TFB1M: variants seen among roughly 807,000 people sequenced by gnomAD.
The protein encoded by TFB1M is transcription factor B1, mitochondrial.
Under a neutral mutation model 31.1 loss-of-function variants are expected in TFB1M, and 27 were observed. That is an observed-to-expected ratio of 0.87 (90% CI 0.64 to 1.20). The LOEUF (loss-of-function observed/expected upper bound fraction) is 1.20, where lower values mean the gene tolerates loss of function less well. TFB1M is among the 50% of genes most tolerant of loss of function. The probability of loss-of-function intolerance (pLI) is 0.00; values close to 1 mark genes in which losing one functional copy is unlikely to be tolerated. For synonymous variants in TFB1M, 166 were observed against 151.8 expected (o/e 1.09, Z -0.69); for missense variants, 394 against 418.7 (o/e 0.94, Z 0.51).
intron 5 of TFB1M, among the ~76,000 whole-genome samples, chr6:155,280,398 C>T (rs1373723051): frequency 6.6e-6 from 1 of 152,202 alleles, no homozygotes; most frequent in Non-Finnish European, 1.5e-5. Flanking sequence ...AAGCTGGTCC[C>T]TTGCCTCAAG....
intron 2 of TFB1M, among the ~76,000 whole-genome samples, chr6:155,299,126 C>T (rs1777315967): frequency 6.6e-6 from 1 of 152,138 alleles, no homozygotes. Context: ...CGAGATACTC[C>T]TCTGACCAGA....
At position 155,257,132 on chromosome 6, in the gene TFB1M, T is replaced by C. The variant is rs371618639; in HGVS notation, c.*704A>G. ...CACGGAAAATCATAGTATGATTCAATCCAGATATGGGTTAAATTCCTCATT... is the reference window on the plus strand; with the variant it reads ...CACGGAAAATCATAGTATGATTCAACCCAGATATGGGTTAAATTCCTCATT... On this transcript the variant is annotated 3_prime_UTR_variant, in exon 7 of 7. Transcript: ENST00000367166. 1.0e-4 allele frequency: 163 copies of C among 1,582,972 alleles called. No homozygotes were observed. The highest frequency in any genetic ancestry group is 1.4e-4 in the Non-Finnish European group (160 of 1,165,096).
the TFB1M span, chr6:155,240,526 TCA>T: frequency 1.7e-5 from 28 of 1,601,962 alleles, no homozygotes; most frequent in Non-Finnish European, 2.1e-5. Context: ...TTGTCCTCTC[TCA>T]GAGTGCTGAG....
Position 155,275,083 on chromosome 6 carries a change from G to A in TFB1M, c.666+10075C>T, listed in dbSNP as rs375354976. ...AATACAAAAAAAAAAAAAATTAGCC[G>A]GGCATGGTGGCGGGCGCCTGTAGTC... is the stretch of plus-strand genomic sequence containing the variant. On this transcript the variant is annotated intron_variant, in intron 5 of 6. Transcript: ENST00000367166. Among the ~76,000 whole-genome samples the A allele has an allele frequency of 2.6e-3, 400 of 151,848 alleles. 3 individuals carry two copies. The highest frequency in any genetic ancestry group is 8.8e-3 in the African/African-American group (366 of 41,426).
downstream of TFB1M, chr6:155,255,635 C>CACAT (rs1554248817): frequency 6.6e-6 from 1 of 151,842 alleles, no homozygotes; most frequent in Non-Finnish European, 1.5e-5. Flanking sequence ...CACACACACA[C>CACAT]ACCTATAACA....
chr6:155,306,193 A>G (rs1777753856), intron 2 of TFB1M, among the ~76,000 whole-genome samples: 1 of 152,188 alleles, frequency 6.6e-6, no homozygotes, highest in Admixed American at 6.5e-5. Flanking sequence ...AAAAAGACTG[A>G]CCATACCAAG....
intron 2 of TFB1M, among the ~76,000 whole-genome samples, chr6:155,302,582 G>A (rs899919451): frequency 1.3e-5 from 2 of 151,824 alleles, no homozygotes; most frequent in African/African-American, 4.8e-5. Flanking sequence ...TACGTTTTCA[G>A]ACTTTCTCAG....
the TFB1M span, chr6:155,243,975 A>G: frequency 5.6e-6 from 9 of 1,599,574 alleles, no homozygotes; most frequent in Non-Finnish European, 7.7e-6. Flanking sequence ...TTTGGAGACT[A>G]AAGCGTTGAA....
At chr6:155,280,873 T>C (rs982325771) in intron 5 of TFB1M, among the ~76,000 whole-genome samples, 1 of 152,188 alleles carries the variant, frequency 6.6e-6, no homozygotes, top group African/African-American at 2.4e-5. Flanking sequence ...TAAAACGCTC[T>C]TCAAAAGTCA....
chr6:155,249,540 A>T, the TFB1M span, among the ~76,000 whole-genome samples: 1 of 152,260 alleles, frequency 6.6e-6, no homozygotes, highest in Non-Finnish European at 1.5e-5. Flanking sequence ...GATGATTCAC[A>T]GAAATCACCT....
the TFB1M span, chr6:155,240,609 A>G: frequency 2.5e-6 from 4 of 1,614,054 alleles, no homozygotes; most frequent in Non-Finnish European, 3.4e-6. Context: ...CGGGAGAATC[A>G]GGATCCTCCT....
chr6:155,257,183 G>GA lies in TFB1M; in HGVS notation c.*652dup. 1.4e-6 allele frequency: 1 copy of GA among 720,190 alleles called. No homozygotes were observed. Among genetic ancestry groups the GA allele is most frequent in the South Asian group, 2.3e-5 (1 of 42,886 alleles). 44.6% of individuals were successfully genotyped at this position (720,190 alleles called of 1,614,324 possible). A position where few individuals can be genotyped will look rare whatever the true frequency, so the allele number is the denominator to read the frequency against. On this transcript the variant is annotated 3_prime_UTR_variant, in exon 7 of 7. Coordinates refer to ENST00000367166, the MANE Select transcript of TFB1M (RefSeq NM_016020.4). Reference sequence around the variant, plus strand: ...TTACTTTTAAACTGGTGGTAAAGTGGAAATTGCAAAAAAAAAAAAAAAAAA... The same window carrying GA: ...TTACTTTTAAACTGGTGGTAAAGTGGAAAATTGCAAAAAAAAAAAAAAAAAA...
In TFB1M at chr6:155,256,310, A is replaced by G. The variant is rs937596134; in HGVS notation, c.*1526T>C. 2 of 933,948 alleles carry G rather than the reference A, an allele frequency of 2.1e-6. No individual in the cohort carries two copies. The highest frequency in any genetic ancestry group is 3.3e-5 in the African/African-American group (2 of 59,842). The allele number at this position is 933,948 out of a possible 1,614,324, so 57.9% of individuals were successfully genotyped here. On this transcript the variant is annotated 3_prime_UTR_variant, in exon 7 of 7. Coordinates refer to ENST00000367166, the MANE Select transcript of TFB1M (RefSeq NM_016020.4). ...CTTACAACTGTAAACCTAAGTCAAA[A>G]ATGTCCATGTTTTCAGTAGCTACAT...
intron 5 of TFB1M, among the ~76,000 whole-genome samples, chr6:155,268,820 G>C (rs150024706): frequency 0.016 from 2,437 of 150,048 alleles, 58 homozygotes; most frequent in African/African-American, 0.042. Context: ...GCGGAAGGCC[G>C]CAGGGTCCTC....
In TFB1M at chr6:155,285,179, T is replaced by G. The variant is rs1251997953; in HGVS notation, c.645A>C (p.Gln215His). ...TTACCTCTGGTTTGGGGACAAAAGC[T>G]TGTCCTGGAATCGTAAAGATGTGTC... The part of the protein sequence containing the change: ...NVRHIFTIPG[Q>H]AFVPKPEVDV... The change falls in exon 5 of 7, where the codon CAA becomes CAC. Residue 215 changes from glutamine (Q) to histidine (H), a missense_variant. By Grantham distance (24) the Gln-to-His change is conservative (BLOSUM62 0). Transcript: ENST00000367166. 6.2e-7 allele frequency: 1 copy of G among 1,614,014 alleles called. No homozygotes were observed. Among genetic ancestry groups the G allele is most frequent in the South Asian group, 1.1e-5 (1 of 91,078 alleles).
intron 4 of TFB1M, among the ~76,000 whole-genome samples, chr6:155,285,519 T>C (rs1776588140): frequency 6.6e-6 from 1 of 152,208 alleles, no homozygotes. Flanking sequence ...ATAAGAACAT[T>C]TGCTCTACCA....
chr6:155,281,805 C>T (rs1171671625), intron 5 of TFB1M, among the ~76,000 whole-genome samples: 1 of 118,780 alleles, frequency 8.4e-6, no homozygotes, highest in Non-Finnish European at 1.8e-5. Flanking sequence ...ATTATGAAGC[C>T]TATCACCATA....
In TFB1M at chr6:155,298,548, A is replaced by G. The variant is rs1182489337; in HGVS notation, c.323T>C (p.Val108Ala). 1 of 1,613,534 alleles carries G rather than the reference A, an allele frequency of 6.2e-7. No individual in the cohort carries two copies. Among genetic ancestry groups the G allele is most frequent in the Non-Finnish European group, 8.5e-7 (1 of 1,179,642 alleles). Residue 108 changes from valine to alanine, a missense_variant, in exon 3 of 7, where the codon GTT (valine) becomes GCT (alanine). By Grantham distance (64) the Val-to-Ala change is moderately conservative. Transcript: ENST00000367166. ...SDAAPGKLRI[V>A]HGDVLTFKVE... ...CTTAAATGTCAAGACATCTCCATGA[A>G]CAATTCTCAGTTTCCCAGGTGCTGC...
chr6:155,254,103 A>C (rs1448591080), downstream of TFB1M: 1 of 1,577,004 alleles, frequency 6.3e-7, no homozygotes, highest in Non-Finnish European at 8.7e-7. Context: ...GAAATAACAT[A>C]GAATTATGTC....
Sources: gnomAD v4.1 joint callset for allele counts (sites outside exome capture counted in the v4.1 genomes callset) on GRCh38, gnomAD v4.1.1 for gene constraint, MANE v1.5 for transcripts, NCBI Gene and HGNC (gene_info 2026-07-23, HGNC 2026-07-21) for gene names.